Variants in CGAS observed in about 807,000 individuals in gnomAD.
CGAS encodes the protein 2'3'-cGAMP synthase.
Under a neutral mutation model 34.0 loss-of-function variants are expected in CGAS, and 31 were observed. The observed-to-expected ratio is 0.91, with a 90% CI of 0.69 to 1.23. The LOEUF is 1.23. CGAS is among the 50% of genes most tolerant of loss of function. The probability of loss-of-function intolerance (pLI) is 0.00; values close to 1 mark genes in which losing one functional copy is unlikely to be tolerated. For missense variants in CGAS, 597 were observed against 657.6 expected, an observed-to-expected ratio of 0.91 and a Z score of 1.01; for synonymous variants, 266 against 260.0, an observed-to-expected ratio of 1.02 and a Z score of -0.22.
intron 3 of CGAS, among the ~76,000 whole-genome samples, chr6:73,438,694 CAAAA>C (rs67479262): frequency 8.6e-6 from 1 of 116,872 alleles, no homozygotes. Context: ...GAATCCGTCT[CAAAA>C]AAAAAAAAAA....
chr6:73,440,473 G>A, intron 2 of CGAS, 28 bp from the exon 3 acceptor site: 1 of 1,537,716 alleles, frequency 6.5e-7, no homozygotes, highest in Non-Finnish European at 8.9e-7. Context: ...AGAAAAGAAA[G>A]TATTTATTAA....
At chr6:73,451,492 C>A (rs759869227) in intron 1 of CGAS, 33 bp downstream of exon 1, 2 of 1,513,770 alleles carry the variant, frequency 1.3e-6, no homozygotes, top group Admixed American at 4.1e-5. Context: ...GGCCGAGCAG[C>A]GGGGCTCGGC....
rs1451842881 is a variant in CGAS at position 73,424,109 on chromosome 6, TTAAAA to T, written c.*1113_*1117del. The stretch of plus-strand genomic sequence containing the variant: ...TAGGTTTTACATTTAGTCACGTATA[TTAAAA>T]TAAAGTATCTTATGTTTTCTTTTAA... On this transcript the variant is annotated 3_prime_UTR_variant, in exon 5 of 5. Coordinates refer to ENST00000370315, the MANE Select transcript of CGAS (RefSeq NM_138441.3). 6.6e-6 allele frequency: 1 copy of T among 152,182 alleles called. No individual in the cohort carries two copies. The highest frequency in any genetic ancestry group is 2.4e-5 in the African/African-American group (1 of 41,456). The allele number at this position is 152,182 out of a possible 1,614,324, so 9.4% of individuals were successfully genotyped here.
chr6:73,448,009 G>C (rs1770496997), intron 1 of CGAS, among the ~76,000 whole-genome samples: 1 of 151,754 alleles, frequency 6.6e-6, no homozygotes, highest in Non-Finnish European at 1.5e-5. Flanking sequence ...CGTTCTTTTT[G>C]TTGTTGTTCA....
intron 4 of CGAS, among the ~76,000 whole-genome samples, chr6:73,427,121 A>G (rs1009852881): frequency 1.3e-5 from 2 of 151,610 alleles, no homozygotes; most frequent in African/African-American, 4.8e-5. Flanking sequence ...AAGTGCTGGG[A>G]TTACAGGCGT....
At chr6:73,442,377 C>G (rs1230572490) in intron 2 of CGAS, among the ~76,000 whole-genome samples, 2 of 151,660 alleles carry the variant, frequency 1.3e-5, no homozygotes, top group East Asian at 3.9e-4. Flanking sequence ...CATACTCACC[C>G]ATCTTTCTGC....
At chr6:73,440,148 C>G in intron 3 of CGAS, 61 bp downstream of exon 3, 1 of 1,452,614 alleles carries the variant, frequency 6.9e-7, no homozygotes, top group South Asian at 1.3e-5. Context: ...CTTTTACTGC[C>G]TGAACATATA....
At position 73,440,271 on chromosome 6, in the gene CGAS, T is replaced by G; in HGVS notation, c.1052A>C (p.Gln351Pro). The change falls in exon 3 of 5, where the codon CAA (glutamine) becomes CCA (proline). Residue 351 changes from glutamine to proline, a missense_variant. By Grantham distance (76) the Gln-to-Pro change is moderately conservative (BLOSUM62 -1). Coordinates refer to ENST00000370315, the MANE Select transcript of CGAS (RefSeq NM_138441.3). ...AAGGTAAAATGGCTTTAGTCGTAGT[T>G]GCTTCCTAACTTTTGCTGAAAGCCA... ...QNWLSAKVRK[Q>P]LRLKPFYLVP... 1.2e-6 allele frequency: 2 copies of G among 1,614,230 alleles called. No individual in the cohort carries two copies. Among genetic ancestry groups the G allele is most frequent in the Non-Finnish European group, 8.5e-7 (1 of 1,180,040 alleles).
Position 73,425,491 on chromosome 6 carries a change from A to G in CGAS, c.1305T>C (p.Ser435=). The change falls in exon 5 of 5, where the codon TCT becomes TCC. Residue 435 remains serine (S), a synonymous_variant. Transcript: ENST00000370315. The part of the protein sequence containing the change: ...KDKKHLDKFS[S]YHVKTAFFHV... ...GAAAGAAGGCAGTTTTCACATGATA[A>G]GAAGAGAATTTATCCAGATGTTTTT... The G allele has an allele frequency of 1.2e-6, 2 of 1,613,824 alleles. No individual in the cohort carries two copies. The highest frequency in any genetic ancestry group is 1.7e-6 in the Non-Finnish European group (2 of 1,179,940).
rs145976334 is a variant in CGAS at position 73,449,092 on chromosome 6, A to C, written c.657+2433T>G. Among the ~76,000 whole-genome samples the C allele has an allele frequency of 5.2e-3, 791 of 151,694 alleles. 5 individuals carry two copies. The highest frequency in any genetic ancestry group is 9.0e-3 in the Non-Finnish European group (608 of 67,896). On this transcript the variant is annotated intron_variant, in intron 1 of 4. Coordinates refer to ENST00000370315, the MANE Select transcript of CGAS (RefSeq NM_138441.3). Reference sequence around the variant, plus strand: ...TGACAGAGCAAGACTCCATCCCCAAAAAAAAAGAAAAAAGAAAAAGAAAAA... The same window carrying C: ...TGACAGAGCAAGACTCCATCCCCAACAAAAAAGAAAAAAGAAAAAGAAAAA...
At position 73,451,561 on chromosome 6, in the gene CGAS, C is replaced by T. The variant is rs1489584131; in HGVS notation, c.621G>A (p.Gly207=). 7.5e-6 allele frequency: 12 copies of T among 1,602,484 alleles called. No individual in the cohort carries two copies. The highest frequency in any genetic ancestry group is 1.0e-5 in the Non-Finnish European group (12 of 1,175,022). ...CATAGTAGCTCCCGGTGTTCAGCAGCCCGACGCCTCTGAACGCGGAGTCGC... is the reference window on the plus strand; with the variant it reads ...CATAGTAGCTCCCGGTGTTCAGCAGTCCGACGCCTCTGAACGCGGAGTCGC... ...LKCDSAFRGV[G]LLNTGSYYEH... is the part of the protein sequence containing the mutation. Residue 207 remains glycine, a synonymous_variant, in exon 1 of 5, where the codon GGG becomes GGA. Coordinates refer to ENST00000370315, the MANE Select transcript of CGAS (RefSeq NM_138441.3).
Position 73,425,199 on chromosome 6 carries a change from G to A in CGAS, c.*28C>T. The A allele has an allele frequency of 4.7e-6, 7 of 1,479,670 alleles. No individual in the cohort carries two copies. The highest frequency in any genetic ancestry group is 6.4e-6 in the Non-Finnish European group (7 of 1,099,358). 91.7% of individuals were successfully genotyped at this position (1,479,670 alleles called of 1,614,324 possible). A position where few individuals can be genotyped will look rare whatever the true frequency, so the allele number is the denominator to read the frequency against. ...TTCTCCAGGATTTAGGGTGACTCTA[G>A]TTCTTAGATCTTTCTAAAAATACAA... On this transcript the variant is annotated 3_prime_UTR_variant, in exon 5 of 5. Coordinates refer to ENST00000370315, the MANE Select transcript of CGAS (RefSeq NM_138441.3).
intron 4 of CGAS, among the ~76,000 whole-genome samples, chr6:73,426,601 C>A (rs779232869): frequency 6.6e-6 from 1 of 151,352 alleles, no homozygotes; most frequent in Non-Finnish European, 1.5e-5. Context: ...TCACTGCAAC[C>A]TCTGACCCTC....
chr6:73,426,319 TA>T (rs1582647872), intron 4 of CGAS, among the ~76,000 whole-genome samples: 8 of 131,678 alleles, frequency 6.1e-5, no homozygotes, highest in African/African-American at 8.8e-5. Flanking sequence ...AATAATAAAA[TA>T]AAATGAAATA....
At chr6:73,435,428 C>T (rs1190256861) in intron 3 of CGAS, among the ~76,000 whole-genome samples, 3 of 151,992 alleles carry the variant, frequency 2.0e-5, no homozygotes, top group Non-Finnish European at 4.4e-5. Flanking sequence ...TGGAATGATG[C>T]CTATGGAGAT....
chr6:73,435,883 A>T (rs1056588639), intron 3 of CGAS, among the ~76,000 whole-genome samples: 1 of 152,006 alleles, frequency 6.6e-6, no homozygotes. Flanking sequence ...TTTATGTTCA[A>T]TCTACCTTTT....
intron 2 of CGAS, among the ~76,000 whole-genome samples, chr6:73,444,721 C>A (rs7767311): frequency 0.011 from 1,672 of 152,046 alleles, 35 homozygotes; most frequent in African/African-American, 0.039. Context: ...TATAAGAAGG[C>A]AAATAGGGAG....
At chr6:73,427,456 C>T (rs773609652) in intron 4 of CGAS, among the ~76,000 whole-genome samples, 23 of 151,736 alleles carry the variant, frequency 1.5e-4, no homozygotes, top group Admixed American at 2.0e-4. Context: ...CGTGCCACTG[C>T]GCCCAGCTAA....
chr6:73,441,157 C>T (rs1357630223), intron 2 of CGAS, among the ~76,000 whole-genome samples: 1 of 149,004 alleles, frequency 6.7e-6, no homozygotes, highest in African/African-American at 2.5e-5. Flanking sequence ...GGCACGATCT[C>T]GGCTCACTGC....
Sources: gnomAD v4.1 joint callset for allele counts (sites outside exome capture counted in the v4.1 genomes callset) on GRCh38, gnomAD v4.1.1 for gene constraint, MANE v1.5 for transcripts, NCBI Gene and HGNC (gene_info 2026-07-23, HGNC 2026-07-21) for gene names.